The following TBC1D5 variants were observed in gnomAD, a reference collection of about 807,000 sequenced individuals.
The protein encoded by TBC1D5 is TBC1 domain family member 5.
A neutral mutation model predicts 100.3 loss-of-function variants in TBC1D5; 75 were observed. The ratio of observed to expected loss-of-function variants is 0.75; its 90% confidence interval spans 0.62 to 0.91. TBC1D5 has a LOEUF of 0.91. Among genes scored for constraint, TBC1D5 ranks in the 40% least tolerant of loss-of-function variants. TBC1D5 has a pLI of 0.00. For synonymous variants in TBC1D5, 323 were observed against 325.6 expected, an observed-to-expected ratio of 0.99 and a Z score of 0.09; for missense variants, 910 against 942.4, an observed-to-expected ratio of 0.97 and a Z score of 0.45.
At chr3:17,278,806 A>G (rs1041497378) in intron 15 of TBC1D5, among the ~76,000 whole-genome samples, 1 of 152,228 alleles carries the variant, frequency 6.6e-6, no homozygotes, top group African/African-American at 2.4e-5. Context: ...TAGCTCTTCT[A>G]AAAATCTAAG....
intron 2 of TBC1D5, among the ~76,000 whole-genome samples, chr3:17,593,465 C>A (rs2060363296): frequency 6.6e-6 from 1 of 152,196 alleles, no homozygotes; most frequent in African/African-American, 2.4e-5. Flanking sequence ...GGCACCATTT[C>A]TCAGGGTGAT....
chr3:17,479,363 A>G (rs750969902), intron 3 of TBC1D5, among the ~76,000 whole-genome samples: 9 of 152,214 alleles, frequency 5.9e-5, no homozygotes, highest in Non-Finnish European at 1.2e-4. Flanking sequence ...TGATCGCACC[A>G]CTGTGCACAA....
intron 1 of TBC1D5, chr3:17,672,425 C>T (rs1414231414): frequency 6.6e-6 from 1 of 152,140 alleles, no homozygotes; most frequent in Middle Eastern, 3.2e-3. Context: ...AAAACCATGT[C>T]TTATTTATGC....
chr3:17,242,769 A>G (rs2076406316), intron 16 of TBC1D5, among the ~76,000 whole-genome samples: 1 of 152,096 alleles, frequency 6.6e-6, no homozygotes. Flanking sequence ...TGGAAGTGGG[A>G]AAATGTTCTG....
At chr3:17,451,255 G>A (rs1037419242) in intron 3 of TBC1D5, among the ~76,000 whole-genome samples, 20 of 152,166 alleles carry the variant, frequency 1.3e-4, no homozygotes, top group Admixed American at 5.2e-4. Flanking sequence ...GGAAAAAGCA[G>A]TACCACCCAC....
At chr3:17,223,076 A>G (rs2074459711) in intron 17 of TBC1D5, among the ~76,000 whole-genome samples, 1 of 152,218 alleles carries the variant, frequency 6.6e-6, no homozygotes, top group African/African-American at 2.4e-5. Flanking sequence ...AAATCTAATT[A>G]TATGAAATTT....
At chr3:17,578,793 C>A (rs991938323) in intron 2 of TBC1D5, among the ~76,000 whole-genome samples, 40 of 152,024 alleles carry the variant, frequency 2.6e-4, no homozygotes, top group African/African-American at 8.7e-4. Flanking sequence ...GTTGCTAGAG[C>A]TGAATGGCAA....
intron 1 of TBC1D5, among the ~76,000 whole-genome samples, chr3:17,710,629 C>T (rs760695437): frequency 3.3e-5 from 5 of 151,496 alleles, no homozygotes; most frequent in Admixed American, 6.6e-5. Context: ...ACTTGTTGAA[C>T]GACTTGATAC....
chr3:17,649,332 G>C (rs2065311842), intron 1 of TBC1D5, among the ~76,000 whole-genome samples: 1 of 152,106 alleles, frequency 6.6e-6, no homozygotes, highest in Non-Finnish European at 1.5e-5. Context: ...GGTGGAGGCT[G>C]AGATGAGGGA....
intron 1 of TBC1D5, among the ~76,000 whole-genome samples, chr3:17,735,823 G>C (rs377000523): frequency 6.6e-6 from 1 of 152,348 alleles, no homozygotes; most frequent in East Asian, 1.9e-4. Context: ...GCAAACAGCA[G>C]TGGTGGATGG....
chr3:17,346,372 G>C (rs2089876181), intron 13 of TBC1D5, among the ~76,000 whole-genome samples: 1 of 151,856 alleles, frequency 6.6e-6, no homozygotes, highest in Admixed American at 6.6e-5. Context: ...TTTTTCAAAT[G>C]CTTATGGGCA....
At chr3:17,511,045 AT>A (rs2095899528) in intron 2 of TBC1D5, among the ~76,000 whole-genome samples, 1 of 152,034 alleles carries the variant, frequency 6.6e-6, no homozygotes, top group African/African-American at 2.4e-5. Context: ...AAAAGGGGGT[AT>A]AAAAAGATGC....
intron 1 of TBC1D5, among the ~76,000 whole-genome samples, chr3:17,682,233 G>A (rs1368657491): frequency 6.6e-6 from 1 of 151,160 alleles, no homozygotes; most frequent in Non-Finnish European, 1.5e-5. Flanking sequence ...GACTGCTTGA[G>A]CCCAGGAGTT....
intron 1 of TBC1D5, among the ~76,000 whole-genome samples, chr3:17,731,267 C>T (rs1390373570): frequency 6.6e-6 from 1 of 151,896 alleles, no homozygotes; most frequent in Non-Finnish European, 1.5e-5. Context: ...CTTTGGGAGG[C>T]CGAGGCGGGC....
intron 2 of TBC1D5, among the ~76,000 whole-genome samples, chr3:17,531,011 G>C (rs1203480749): frequency 1.3e-5 from 2 of 152,144 alleles, no homozygotes; most frequent in Admixed American, 1.3e-4. Context: ...AGGAAATAAA[G>C]GGCATTCAAT....
intron 13 of TBC1D5, among the ~76,000 whole-genome samples, chr3:17,350,501 T>A (rs1472965857): frequency 1.3e-5 from 2 of 152,208 alleles, no homozygotes; most frequent in Admixed American, 6.5e-5. Flanking sequence ...AAGCTCAGAA[T>A]TGATTGAATG....
intron 1 of TBC1D5, among the ~76,000 whole-genome samples, chr3:17,728,394 T>C (rs952677634): frequency 1.3e-5 from 2 of 152,154 alleles, no homozygotes; most frequent in African/African-American, 4.8e-5. Flanking sequence ...ACTGAAAAAC[T>C]ATCAAAAATC....
intron 2 of TBC1D5, among the ~76,000 whole-genome samples, chr3:17,511,322 CA>C (rs1053766190): frequency 1.3e-5 from 2 of 151,934 alleles, no homozygotes; most frequent in African/African-American, 4.8e-5. Flanking sequence ...ATGTCTATTT[CA>C]AGTTAACTGC....
chr3:17,649,518 T>C (rs1312023025), intron 1 of TBC1D5, among the ~76,000 whole-genome samples: 1 of 152,182 alleles, frequency 6.6e-6, no homozygotes, highest in African/African-American at 2.4e-5. Flanking sequence ...AAGATATTTA[T>C]GCGGCGAACA....
Sources: allele counts gnomAD v4.1 joint callset (sites outside exome capture counted in the v4.1 genomes callset), GRCh38; gene constraint gnomAD v4.1.1; transcripts MANE v1.5; gene names NCBI Gene and HGNC (gene_info 2026-07-23, HGNC 2026-07-21).